Variants in VMP1 observed in about 807,000 individuals in gnomAD.
VMP1 encodes the protein ectopic P-granules autophagy protein 3 homolog.
VMP1 carries 11 observed loss-of-function variants against 56.0 expected under a neutral mutation model. That is an observed-to-expected ratio of 0.20 (90% CI 0.12 to 0.32). The LOEUF (loss-of-function observed/expected upper bound fraction) is 0.32, where lower values mean the gene tolerates loss of function less well. Among genes scored for constraint, VMP1 ranks in the 10% least tolerant of loss-of-function variants. The probability of loss-of-function intolerance (pLI) is 1.00; values close to 1 mark genes in which losing one functional copy is unlikely to be tolerated. For missense variants in VMP1, 296 were observed against 490.3 expected (o/e 0.60, Z 3.74); for synonymous variants, 149 against 165.0 (o/e 0.90, Z 0.74).
chr17:59,715,507 A>G (rs1421906038), intron 1 of VMP1, among the ~76,000 whole-genome samples: 1 of 152,098 alleles, frequency 6.6e-6, no homozygotes, highest in Admixed American at 6.5e-5. Context: ...CCATGATCCA[A>G]TCACCTCCCT....
chr17:59,793,698 C>T lies in VMP1; in HGVS notation c.715-15098C>T, dbSNP rs1209067921. On this transcript the variant is annotated intron_variant, in intron 7 of 11. Transcript: ENST00000262291. Reference sequence around the variant, plus strand: ...CTGAAGTGCAGTGGCGTGATATTGTCTCACTGCGGCCTCCACCTCCCGAGT... The same window carrying T: ...CTGAAGTGCAGTGGCGTGATATTGTTTCACTGCGGCCTCCACCTCCCGAGT... 1.8e-5 allele frequency among the ~76,000 whole-genome samples: 2 copies of T among 112,336 alleles called. 1 individual carries two copies. Among genetic ancestry groups the T allele is most frequent in the African/African-American group, 5.3e-5 (2 of 37,778 alleles). The allele number at this position is 112,336 out of a possible 152,430, so 73.7% of individuals were successfully genotyped here. A position where few individuals can be genotyped will look rare whatever the true frequency, so the allele number is the denominator to read the frequency against.
intron 5 of VMP1, among the ~76,000 whole-genome samples, chr17:59,750,901 C>A (rs114709003): frequency 0.037 from 5,364 of 145,182 alleles, 361 homozygotes; most frequent in African/African-American, 0.13. Flanking sequence ...GCTTCTGGGG[C>A]TGGCAGATTT....
chr17:59,812,745 A>G (rs2038093982), intron 9 of VMP1, among the ~76,000 whole-genome samples: 1 of 152,000 alleles, frequency 6.6e-6, no homozygotes, highest in Non-Finnish European at 1.5e-5. Context: ...ATCCTGGCCA[A>G]CATGGTGAAA....
At chr17:59,729,037 T>A (rs1035921616) in intron 1 of VMP1, among the ~76,000 whole-genome samples, 1 of 152,202 alleles carries the variant, frequency 6.6e-6, no homozygotes, top group Non-Finnish European at 1.5e-5. Flanking sequence ...TAACAAGTAG[T>A]CTTTTGTGAC....
chr17:59,753,000 G>C (rs551694389), intron 5 of VMP1, among the ~76,000 whole-genome samples: 2 of 152,328 alleles, frequency 1.3e-5, no homozygotes, highest in South Asian at 4.1e-4. Context: ...GCCAGGTGCA[G>C]TGGCTCGCAC....
chr17:59,759,767 T>C (rs916052198), intron 5 of VMP1, among the ~76,000 whole-genome samples: 2 of 152,160 alleles, frequency 1.3e-5, no homozygotes, highest in Non-Finnish European at 2.9e-5. Context: ...ATTAATGTAG[T>C]TATCAATATG....
At chr17:59,754,224 C>G (rs1005779612) in intron 5 of VMP1, among the ~76,000 whole-genome samples, 1 of 152,082 alleles carries the variant, frequency 6.6e-6, no homozygotes. Context: ...AATCTGACAT[C>G]TTAATTGCTT....
chr17:59,720,622 T>C (rs1412353756), intron 1 of VMP1, among the ~76,000 whole-genome samples: 2 of 152,160 alleles, frequency 1.3e-5, no homozygotes, highest in Non-Finnish European at 2.9e-5. Context: ...TTAAACAGCA[T>C]GGAGAAACTA....
chr17:59,829,761 T>A (rs1475537246), intron 10 of VMP1, among the ~76,000 whole-genome samples: 1 of 152,160 alleles, frequency 6.6e-6, no homozygotes, highest in Admixed American at 6.6e-5. Context: ...TTTGTACATA[T>A]AACAGATCAG....
intron 5 of VMP1, among the ~76,000 whole-genome samples, chr17:59,757,336 G>T (rs1398162039): frequency 1.3e-5 from 2 of 151,772 alleles, no homozygotes; most frequent in African/African-American, 4.8e-5. Flanking sequence ...AATTTTTTTT[G>T]AATTCTAAGT....
At chr17:59,774,670 T>A (rs2036554072) in intron 7 of VMP1, among the ~76,000 whole-genome samples, 1 of 150,668 alleles carries the variant, frequency 6.6e-6, no homozygotes, top group Non-Finnish European at 1.5e-5. Context: ...CTTTCTTCCT[T>A]TTCTTTGTTT....
chr17:59,781,618 C>T (rs556953520), intron 7 of VMP1, among the ~76,000 whole-genome samples: 5 of 152,156 alleles, frequency 3.3e-5, no homozygotes, highest in Admixed American at 1.3e-4. Context: ...TGTTTTGTGA[C>T]TTGATTTGAA....
chr17:59,721,824 A>C (rs1231681259), intron 1 of VMP1, among the ~76,000 whole-genome samples: 1 of 152,242 alleles, frequency 6.6e-6, no homozygotes, highest in African/African-American at 2.4e-5. Flanking sequence ...ATAACAGAAT[A>C]CCACAGACAA....
chr17:59,809,696 C>T lies in VMP1; in HGVS notation c.795+820C>T, dbSNP rs1769147834. On this transcript the variant is annotated intron_variant, in intron 8 of 11. Transcript: ENST00000262291. ...TAATTTTTTGTATTTTTAGTAGAGACGGGGTTTCACCGTTTTAGCCGGGAT... is the reference window on the plus strand; with the variant it reads ...TAATTTTTTGTATTTTTAGTAGAGATGGGGTTTCACCGTTTTAGCCGGGAT... Among the ~76,000 whole-genome samples the T allele has an allele frequency of 1.3e-5, 2 of 150,438 alleles. 1 individual carries two copies. The highest frequency in any genetic ancestry group is 4.2e-4 in the South Asian group (2 of 4,748).
intron 7 of VMP1, among the ~76,000 whole-genome samples, chr17:59,799,590 T>G (rs940541283): frequency 6.6e-6 from 1 of 152,226 alleles, no homozygotes; most frequent in Admixed American, 6.5e-5. Context: ...TTCTAGAATT[T>G]ATTTCCTAAC....
intron 5 of VMP1, among the ~76,000 whole-genome samples, chr17:59,759,639 C>G (rs1328012319): frequency 6.6e-6 from 1 of 151,732 alleles, no homozygotes; most frequent in Non-Finnish European, 1.5e-5. Flanking sequence ...TTTCTTTTCC[C>G]ATTTCTTTAC....
chr17:59,721,260 C>T (rs1164338321), intron 1 of VMP1, among the ~76,000 whole-genome samples: 3 of 151,836 alleles, frequency 2.0e-5, no homozygotes, highest in East Asian at 1.9e-4. Context: ...GCAGGAGAAT[C>T]GTTTGAACTC....
chr17:59,754,250 C>T (rs938775456), intron 5 of VMP1, among the ~76,000 whole-genome samples: 1 of 151,994 alleles, frequency 6.6e-6, no homozygotes, highest in African/African-American at 2.4e-5. Context: ...TATTTATGAC[C>T]TCCTCTGTAT....
chr17:59,757,446 CTT>C (rs1283475799), intron 5 of VMP1, among the ~76,000 whole-genome samples: 2 of 151,912 alleles, frequency 1.3e-5, no homozygotes, highest in Non-Finnish European at 2.9e-5. Flanking sequence ...ATCACTAAAA[CTT>C]TTCTAATCAC....
Sources: gnomAD v4.1 joint callset for allele counts (sites outside exome capture counted in the v4.1 genomes callset) on GRCh38, gnomAD v4.1.1 for gene constraint, MANE v1.5 for transcripts, NCBI Gene and HGNC (gene_info 2026-07-23, HGNC 2026-07-21) for gene names.